The following ATP2C1 variants were observed in gnomAD, a reference collection of about 807,000 sequenced individuals.
ATP2C1 encodes the protein calcium-transporting ATPase type 2C member 1.
A neutral mutation model predicts 120.5 loss-of-function variants in ATP2C1; 31 were observed. The observed-to-expected ratio is 0.26, with a 90% CI of 0.19 to 0.35. The LOEUF is 0.35. Among genes scored for constraint, ATP2C1 ranks in the 10% least tolerant of loss-of-function variants. ATP2C1 has a pLI of 1.00. For missense variants in ATP2C1, 731 were observed against 1,107.5 expected (o/e 0.66, Z 4.83); for synonymous variants, 351 against 358.7 (o/e 0.98, Z 0.24).
chr3:130,986,383 C>G (rs150110917), intron 20 of ATP2C1, among the ~76,000 whole-genome samples: 1 of 152,096 alleles, frequency 6.6e-6, no homozygotes, highest in African/African-American at 2.4e-5. Flanking sequence ...GTGAAACTTT[C>G]ATTTTATTTG....
At chr3:130,988,853 T>G (rs998228806) in intron 20 of ATP2C1, among the ~76,000 whole-genome samples, 3 of 152,154 alleles carry the variant, frequency 2.0e-5, no homozygotes, top group Non-Finnish European at 4.4e-5. Context: ...GGGGACCAAG[T>G]CTCCACTTCA....
At chr3:130,913,473 T>C (rs1171692788) in intron 2 of ATP2C1, among the ~76,000 whole-genome samples, 1 of 152,168 alleles carries the variant, frequency 6.6e-6, no homozygotes. Flanking sequence ...AGTTTAGCTG[T>C]GTATTTTCAT....
chr3:130,948,354 T>C (rs1440603306), intron 8 of ATP2C1, among the ~76,000 whole-genome samples: 1 of 152,134 alleles, frequency 6.6e-6, no homozygotes, highest in Non-Finnish European at 1.5e-5. Context: ...CAGTTTTTTT[T>C]TTCTGAATAT....
At chr3:130,874,877 T>G (rs1483664637) in intron 1 of ATP2C1, among the ~76,000 whole-genome samples, 1 of 152,200 alleles carries the variant, frequency 6.6e-6, no homozygotes, top group East Asian at 1.9e-4. Flanking sequence ...AGTGTGAGAA[T>G]TTGCATTTCT....
intron 18 of ATP2C1, among the ~76,000 whole-genome samples, chr3:130,976,851 T>C (rs1017912068): frequency 6.6e-6 from 1 of 152,180 alleles, no homozygotes; most frequent in Non-Finnish European, 1.5e-5. Context: ...TGATGTGTTT[T>C]TATCAAGCCA....
At chr3:130,913,569 T>C (rs1272416837) in intron 2 of ATP2C1, among the ~76,000 whole-genome samples, 2 of 152,192 alleles carry the variant, frequency 1.3e-5, no homozygotes, top group Admixed American at 1.3e-4. Flanking sequence ...TAAATGATTG[T>C]TTTCTCCTTT....
chr3:131,001,916 T>C lies in ATP2C1; in HGVS notation c.*566T>C, dbSNP rs1186548008. On this transcript the variant is annotated 3_prime_UTR_variant, in exon 28 of 28. Transcript: ENST00000510168. Reference sequence around the variant, plus strand: ...TTTTTTGCACAGGATGTGACCACTGTCAGATCACTGTTCTTTTCTTTCTTT... The same window carrying C: ...TTTTTTGCACAGGATGTGACCACTGCCAGATCACTGTTCTTTTCTTTCTTT... 1.0e-6 allele frequency: 1 copy of C among 984,868 alleles called. No homozygotes were observed. The highest frequency in any genetic ancestry group is 1.2e-6 in the Non-Finnish European group (1 of 829,006). The allele number at this position is 984,868 out of a possible 1,614,324, so 61.0% of individuals were successfully genotyped here.
chr3:130,987,199 T>TG (rs2062062358), intron 20 of ATP2C1, among the ~76,000 whole-genome samples: 1 of 152,060 alleles, frequency 6.6e-6, no homozygotes, highest in African/African-American at 2.4e-5. Context: ...TCTCACCACG[T>TG]GTTGCCCAGA....
Position 130,953,719 on chromosome 3 carries a change from A to G in ATP2C1, c.532-102A>G, listed in dbSNP as rs562748038. The G allele has an allele frequency of 1.7e-5, 21 of 1,217,112 alleles. No individual in the cohort carries two copies. In the African/African-American group the frequency reaches 2.1e-4, roughly 12 times the overall value. The allele number at this position is 1,217,112 out of a possible 1,614,324, so 75.4% of individuals were successfully genotyped here. ...TTTTGATACAAGATGTGGCTAATCA[A>G]TGGAAAAGGGATGTTTGAGGAAGAA... On this transcript the variant is annotated intron_variant, in intron 8 of 27. Transcript: ENST00000510168.
At chr3:130,896,472 C>T (rs569221721) in intron 2 of ATP2C1, among the ~76,000 whole-genome samples, 1 of 152,054 alleles carries the variant, frequency 6.6e-6, no homozygotes, top group Middle Eastern at 3.2e-3. Context: ...TTCTCCCTAT[C>T]GTCACATTTT....
rs1353734597 is a variant in ATP2C1 at position 130,989,552 on chromosome 3, C to T, written c.1840-3399C>T. On this transcript the variant is annotated intron_variant, in intron 20 of 27. Coordinates refer to ENST00000510168, the MANE Select transcript of ATP2C1 (RefSeq NM_001378687.1). ...TGCACTCCAGCCTGGGCAACAAGAGCGAAACTCCATCTCAAAAAAAAAAAA... is the reference window on the plus strand; with the variant it reads ...TGCACTCCAGCCTGGGCAACAAGAGTGAAACTCCATCTCAAAAAAAAAAAA... Among the ~76,000 whole-genome samples, 3 of 119,114 alleles carry T rather than the reference C, an allele frequency of 2.5e-5. 1 individual carries two copies. The highest frequency in any genetic ancestry group is 1.9e-4 in the Admixed American group (2 of 10,364). 78.1% of individuals were successfully genotyped at this position (119,114 alleles called of 152,430 possible).
At chr3:130,981,874 C>G (rs934504789) in intron 20 of ATP2C1, among the ~76,000 whole-genome samples, 6 of 152,130 alleles carry the variant, frequency 3.9e-5, no homozygotes, top group Non-Finnish European at 8.8e-5. Flanking sequence ...AGTGTCTGCC[C>G]TGCCTATTTT....
At chr3:130,908,146 C>A (rs2058226741) in intron 2 of ATP2C1, among the ~76,000 whole-genome samples, 1 of 152,048 alleles carries the variant, frequency 6.6e-6, no homozygotes, top group African/African-American at 2.4e-5. Context: ...GACACAGTCC[C>A]TTTGGAGATC....
Position 131,001,599 on chromosome 3 carries a change from C to A in ATP2C1, c.*249C>A, listed in dbSNP as rs560456395. 8.6e-7 allele frequency: 1 copy of A among 1,157,552 alleles called. No homozygotes were observed. The highest frequency in any genetic ancestry group is 1.1e-6 in the Non-Finnish European group (1 of 934,944). The allele number at this position is 1,157,552 out of a possible 1,614,324, so 71.7% of individuals were successfully genotyped here. A position where few individuals can be genotyped will look rare whatever the true frequency, so the allele number is the denominator to read the frequency against. On this transcript the variant is annotated 3_prime_UTR_variant, in exon 28 of 28. Coordinates refer to ENST00000510168, the MANE Select transcript of ATP2C1 (RefSeq NM_001378687.1). ...AGTGAAACTTTATAAAGCATATGGT[C>A]AGTTATTTAATTAAAAAGGCAAAAC...
At chr3:130,959,523 T>C in intron 12 of ATP2C1, 182 bp downstream of exon 12, 3 of 438,170 alleles carry the variant, frequency 6.8e-6, no homozygotes, top group Non-Finnish European at 1.3e-5. Flanking sequence ...AATGTATGTA[T>C]ATGGTAATGA....
In ATP2C1 at chr3:130,894,111, CCGGCGG is replaced by C; in HGVS notation, c.-406_-401del. ...ACCAGCACGGCCTCGCGGAGCCGGCCCGGCGGACCGTGACGGGTCCCCTCACCTCCT... is the reference window on the plus strand; with the variant it reads ...ACCAGCACGGCCTCGCGGAGCCGGCCACCGTGACGGGTCCCCTCACCTCCT... On this transcript the variant is annotated 5_prime_UTR_variant, in exon 1 of 28. Coordinates refer to ENST00000510168, the MANE Select transcript of ATP2C1 (RefSeq NM_001378687.1). The surrounding 1 kb of genome is among the most constrained non-coding windows in gnomAD (Gnocchi z 4.5). The C allele has an allele frequency of 1.0e-6, 1 of 972,754 alleles. No homozygotes were observed. The highest frequency in any genetic ancestry group is 1.8e-5 in the African/African-American group (1 of 57,078). The allele number at this position is 972,754 out of a possible 1,614,324, so 60.3% of individuals were successfully genotyped here.
intron 17 of ATP2C1, among the ~76,000 whole-genome samples, chr3:130,972,776 C>T (rs1181044524): frequency 6.6e-6 from 1 of 151,646 alleles, no homozygotes; most frequent in Non-Finnish European, 1.5e-5. Flanking sequence ...CATCCATGTC[C>T]CTACAAAGGA....
Position 130,994,209 on chromosome 3 carries a change from A to C in ATP2C1, c.2057+111A>C, listed in dbSNP as rs991654431. 1.0e-4 allele frequency: 129 copies of C among 1,249,394 alleles called. 1 individual carries two copies. The highest frequency in any genetic ancestry group is 2.1e-5 in the Non-Finnish European group (18 of 868,410). 77.4% of individuals were successfully genotyped at this position (1,249,394 alleles called of 1,614,324 possible). On this transcript the variant is annotated intron_variant, in intron 22 of 27. Coordinates refer to ENST00000510168, the MANE Select transcript of ATP2C1 (RefSeq NM_001378687.1). ...GAATTAGTATTTAAACATTAGGTAA[A>C]CTAAACCACTTTTCTAGGGTAATTA...
Position 130,930,494 on chromosome 3 carries a change from T to C in ATP2C1, c.85T>C (p.Leu29=), listed in dbSNP as rs747108727. The change falls in exon 3 of 28, where the codon TTA becomes CTA. Residue 29 remains leucine (L), a synonymous_variant. Transcript: ENST00000510168. ...ATTGACATCAAAAAAAGCAAGTGAA[T>C]TACCAGTCAGTGAAGTTGCAAGCAT... The part of the protein sequence containing the change: ...PVLTSKKASE[L]PVSEVASILQ... 43 of 1,612,734 alleles carry C rather than the reference T, an allele frequency of 2.7e-5. No individual in the cohort carries two copies. In the East Asian group the frequency reaches 9.6e-4, roughly 36 times the overall value.
Sources: gnomAD v4.1 joint callset for allele counts (sites outside exome capture counted in the v4.1 genomes callset) on GRCh38, gnomAD v4.1.1 for gene constraint, Gnocchi (gnomAD v3.1) non-coding constraint, MANE v1.5 for transcripts, NCBI Gene and HGNC (gene_info 2026-07-23, HGNC 2026-07-21) for gene names.